The following GREB1L variants were observed in gnomAD, a reference collection of about 807,000 sequenced individuals.
The protein encoded by GREB1L is GREB1-like protein.
In GREB1L, 17 loss-of-function variants were observed where a neutral mutation model predicts 200.8. The observed-to-expected ratio is 0.08, with a 90% CI of 0.06 to 0.13. The LOEUF is 0.13. GREB1L is among the 10% of genes least tolerant of loss of function. The probability of loss-of-function intolerance (pLI) is 1.00; values close to 1 mark genes in which losing one functional copy is unlikely to be tolerated. For missense variants in GREB1L, 1,657 were observed against 2,367.7 expected, an observed-to-expected ratio of 0.70 and a Z score of 6.23; for synonymous variants, 789 against 893.0, an observed-to-expected ratio of 0.88 and a Z score of 2.08.
At chr18:21,417,993 A>C (rs566792787) in intron 7 of GREB1L, among the ~76,000 whole-genome samples, 1 of 152,004 alleles carries the variant, frequency 6.6e-6, no homozygotes, top group Non-Finnish European at 1.5e-5. Context: ...AAAAAAAAAA[A>C]AGAAAAGAAA....
At chr18:21,382,324 GAGTA>G (rs1199311662) in intron 2 of GREB1L, among the ~76,000 whole-genome samples, 2 of 151,884 alleles carry the variant, frequency 1.3e-5, no homozygotes, top group East Asian at 3.9e-4. Flanking sequence ...CTGGGTAACA[GAGTA>G]AGTGAGACTG....
At chr18:21,407,967 G>A (rs2030470220) in intron 7 of GREB1L, among the ~76,000 whole-genome samples, 1 of 152,174 alleles carries the variant, frequency 6.6e-6, no homozygotes, top group Admixed American at 6.5e-5. Context: ...AGGCTGCAAA[G>A]GGTGAGGAGA....
intron 31 of GREB1L, 54 bp from the exon 32 acceptor site, chr18:21,520,634 A>G: frequency 6.5e-7 from 1 of 1,539,016 alleles, no homozygotes; most frequent in Non-Finnish European, 8.8e-7. Flanking sequence ...GCTGAACTGC[A>G]GATATTTTGC....
chr18:21,509,567 G>C (rs756551676), intron 27 of GREB1L, among the ~76,000 whole-genome samples: 52 of 152,122 alleles, frequency 3.4e-4, no homozygotes, highest in Middle Eastern at 3.4e-3. Context: ...ACTTCAAACA[G>C]CCTTAATATG....
rs754920533 is a variant in GREB1L at position 21,513,860 on chromosome 18, A to T, written c.4775A>T (p.Asn1592Ile). The T allele has an allele frequency of 1.3e-6, 2 of 1,551,606 alleles. No individual in the cohort carries two copies. Among genetic ancestry groups the T allele is most frequent in the South Asian group, 2.4e-5 (2 of 84,060 alleles). Residue 1592 changes from asparagine to isoleucine, a missense_variant, in exon 28 of 33, where the codon AAC becomes ATC. By Grantham distance (149) the Asn-to-Ile change is moderately radical. Around this residue, in one of 9 missense-constraint regions of GREB1L, gnomAD observed 151 missense variants for 309.6 expected, o/e 0.49. Coordinates refer to ENST00000424526, the MANE Select transcript of GREB1L (RefSeq NM_001142966.3). ...CTCATCAAGGAGCTATCATATCACAACCTAGAATTGGAGAGAAACCGCCTG... is the reference window on the plus strand; with the variant it reads ...CTCATCAAGGAGCTATCATATCACATCCTAGAATTGGAGAGAAACCGCCTG... ...RFLIKELSYH[N>I]LELERNRLEE...
chr18:21,254,049 G>T (rs2144003091), intron 1 of GREB1L, among the ~76,000 whole-genome samples: 1 of 142,008 alleles, frequency 7.0e-6, no homozygotes, highest in East Asian at 2.0e-4. Flanking sequence ...TGCTGTCCAG[G>T]CTTTCAGGCA....
intron 1 of GREB1L, among the ~76,000 whole-genome samples, chr18:21,358,626 A>G (rs1236253568): frequency 2.0e-5 from 3 of 152,200 alleles, no homozygotes; most frequent in African/African-American, 7.2e-5. Flanking sequence ...GTTCTCACTT[A>G]TAAGTGTCAG....
At chr18:21,491,425 C>G (rs554227168) in intron 19 of GREB1L, among the ~76,000 whole-genome samples, 2 of 152,138 alleles carry the variant, frequency 1.3e-5, no homozygotes, top group African/African-American at 2.4e-5. Context: ...AAAAATTGTT[C>G]TGGGCTGGGC....
intron 1 of GREB1L, among the ~76,000 whole-genome samples, chr18:21,298,993 A>G (rs2038574158): frequency 6.6e-6 from 1 of 152,078 alleles, no homozygotes; most frequent in Non-Finnish European, 1.5e-5. Flanking sequence ...AGAATCTTCA[A>G]AAGGCTGGGC....
At chr18:21,362,460 T>C (rs1221670797) in intron 1 of GREB1L, among the ~76,000 whole-genome samples, 2 of 152,198 alleles carry the variant, frequency 1.3e-5, no homozygotes, top group African/African-American at 4.8e-5. Flanking sequence ...ATTAAAGAAA[T>C]GCCATTATAA....
At chr18:21,437,209 G>A (rs1191757445) in intron 7 of GREB1L, among the ~76,000 whole-genome samples, 2 of 152,126 alleles carry the variant, frequency 1.3e-5, no homozygotes, top group African/African-American at 2.4e-5. Flanking sequence ...GATTATAGGT[G>A]TGAGCCATTG....
chr18:21,455,485 C>A (rs538850969), intron 15 of GREB1L, among the ~76,000 whole-genome samples: 10 of 152,134 alleles, frequency 6.6e-5, no homozygotes, highest in African/African-American at 2.2e-4. Context: ...AGTTCAAGAC[C>A]AGCCTGGCCA....
chr18:21,448,529 C>T (rs1313736686), intron 11 of GREB1L, among the ~76,000 whole-genome samples: 1 of 152,130 alleles, frequency 6.6e-6, no homozygotes, highest in Non-Finnish European at 1.5e-5. Context: ...CAGCCCATCA[C>T]CCCTTTGTTC....
At chr18:21,450,119 A>G (rs1010331288) in intron 12 of GREB1L, among the ~76,000 whole-genome samples, 1 of 152,232 alleles carries the variant, frequency 6.6e-6, no homozygotes, top group Non-Finnish European at 1.5e-5. Context: ...TGTCCTTTAA[A>G]GATTTTGGAA....
At chr18:21,369,689 G>A (rs1469695612) in intron 2 of GREB1L, among the ~76,000 whole-genome samples, 28 of 152,072 alleles carry the variant, frequency 1.8e-4, no homozygotes, top group Non-Finnish European at 3.1e-4. Flanking sequence ...TAATAGGGTT[G>A]GGTTTTTATT....
In GREB1L at chr18:21,315,332, C is replaced by T. The variant is rs1295582904; in HGVS notation, c.-119-50695C>T. Among the ~76,000 whole-genome samples, 12 of 152,116 alleles carry T rather than the reference C, an allele frequency of 7.9e-5. 1 individual carries two copies. The highest frequency in any genetic ancestry group is 7.9e-4 in the Admixed American group (12 of 15,284). On this transcript the variant is annotated intron_variant, in intron 1 of 32. Coordinates refer to ENST00000424526, the MANE Select transcript of GREB1L (RefSeq NM_001142966.3). Reference sequence around the variant, plus strand: ...TCTTGAATTCCTAGGCTCAAGTGATCCTCCCGCCTCAGCCTCTCAAAGTGC... The same window carrying T: ...TCTTGAATTCCTAGGCTCAAGTGATTCTCCCGCCTCAGCCTCTCAAAGTGC...
chr18:21,315,305 G>A (rs1453036150), intron 1 of GREB1L, among the ~76,000 whole-genome samples: 4 of 152,038 alleles, frequency 2.6e-5, no homozygotes, highest in South Asian at 4.1e-4. Flanking sequence ...TGCGCAGGCT[G>A]GTCTTGAATT....
At chr18:21,502,441 C>T (rs1391825811) in intron 23 of GREB1L, among the ~76,000 whole-genome samples, 1 of 152,058 alleles carries the variant, frequency 6.6e-6, no homozygotes, top group Non-Finnish European at 1.5e-5. Flanking sequence ...CAAATTAGCT[C>T]TTGGAGATCT....
At chr18:21,478,536 G>A (rs556101437) in intron 17 of GREB1L, among the ~76,000 whole-genome samples, 1 of 152,292 alleles carries the variant, frequency 6.6e-6, no homozygotes, top group East Asian at 1.9e-4. Context: ...TCATGAAGTA[G>A]GTAAGTTCTC....
Sources: allele counts gnomAD v4.1 joint callset (sites outside exome capture counted in the v4.1 genomes callset), GRCh38; gene constraint gnomAD v4.1.1; regional missense constraint gnomAD v4.1.1; transcripts MANE v1.5; gene names NCBI Gene and HGNC (gene_info 2026-07-23, HGNC 2026-07-21).